Variants in UHRF1 observed in about 807,000 individuals in gnomAD.
UHRF1 encodes E3 ubiquitin-protein ligase UHRF1.
Under a neutral mutation model 96.5 loss-of-function variants are expected in UHRF1, and 9 were observed. The ratio of observed to expected loss-of-function variants is 0.09; its 90% CI spans 0.06 to 0.16. The LOEUF is 0.16. Ranked by LOEUF, UHRF1 falls within the 10% of genes least tolerant of loss-of-function variation. The pLI is 1.00. For synonymous variants in UHRF1, 455 were observed against 469.9 expected (o/e 0.97, Z 0.41); for missense variants, 626 against 1,131.1 (o/e 0.55, Z 6.40).
In UHRF1 at chr19:4,960,877, C is replaced by T; in HGVS notation, c.*74C>T. On this transcript the variant is annotated 3_prime_UTR_variant, in exon 17 of 17. Coordinates refer to ENST00000650932, the MANE Select transcript of UHRF1 (RefSeq NM_001048201.3). Reference sequence around the variant, plus strand: ...CTCGTTCATCGGCACTGATTTTGTTCTTAGTGGGCTTAACTTAAACAGGTA... The same window carrying T: ...CTCGTTCATCGGCACTGATTTTGTTTTTAGTGGGCTTAACTTAAACAGGTA... The T allele has an allele frequency of 1.3e-6, 1 of 789,526 alleles. No individual in the cohort carries two copies. The highest frequency in any genetic ancestry group is 2.0e-6 in the Non-Finnish European group (1 of 490,468). The allele number at this position is 789,526 out of a possible 1,614,324, so 48.9% of individuals were successfully genotyped here. A position where few individuals can be genotyped will look rare whatever the true frequency, so the allele number is the denominator to read the frequency against.
intron 5 of UHRF1, among the ~76,000 whole-genome samples, chr19:4,934,542 G>A (rs1273887513): frequency 6.6e-6 from 1 of 152,176 alleles, no homozygotes; most frequent in African/African-American, 2.4e-5. Context: ...CTAGGAATGG[G>A]ATCACACAGG....
chr19:4,956,083 C>T (rs1351241879), intron 15 of UHRF1, among the ~76,000 whole-genome samples: 1 of 152,044 alleles, frequency 6.6e-6, no homozygotes, highest in Non-Finnish European at 1.5e-5. Flanking sequence ...TACAGGCACC[C>T]ACCACGCCTG....
At chr19:4,908,256 A>C (rs563994331), upstream of UHRF1, among the ~76,000 whole-genome samples, 1 of 152,134 alleles carries the variant, frequency 6.6e-6, no homozygotes, top group Non-Finnish European at 1.5e-5. Flanking sequence ...CTAGAGACGC[A>C]TATCTTCGGG....
At chr19:4,939,941 G>C (rs558772225) in intron 5 of UHRF1, among the ~76,000 whole-genome samples, 1 of 151,204 alleles carries the variant, frequency 6.6e-6, no homozygotes, top group East Asian at 2.0e-4. Context: ...GGAGAGTGGC[G>C]TGAACCCGGG....
intron 5 of UHRF1, among the ~76,000 whole-genome samples, chr19:4,939,133 G>C (rs2033308561): frequency 6.6e-6 from 1 of 150,762 alleles, no homozygotes; most frequent in Non-Finnish European, 1.5e-5. Context: ...GGCCAGGCTG[G>C]TCTTGAACTC....
chr19:4,943,825 A>G (rs1218186419), intron 7 of UHRF1, among the ~76,000 whole-genome samples: 2 of 151,844 alleles, frequency 1.3e-5, no homozygotes, highest in African/African-American at 4.8e-5. Context: ...TAATTTTTGT[A>G]TTTTTAGTAG....
upstream of UHRF1, among the ~76,000 whole-genome samples, chr19:4,908,452 T>C (rs186956061): frequency 9.2e-5 from 14 of 152,174 alleles, no homozygotes; most frequent in East Asian, 2.5e-3. Context: ...ATATCACCCC[T>C]CTGACCTCAA....
intron 2 of UHRF1, among the ~76,000 whole-genome samples, chr19:4,919,421 G>A (rs1198775771): frequency 6.6e-6 from 1 of 151,732 alleles, no homozygotes; most frequent in Non-Finnish European, 1.5e-5. Flanking sequence ...TCCTGCCTCA[G>A]CCTCCCGAGT....
chr19:4,950,530 C>T (rs1310634991), intron 11 of UHRF1, 81 bp from the exon 12 acceptor site: 1 of 1,479,828 alleles, frequency 6.8e-7, no homozygotes, highest in Non-Finnish European at 9.1e-7. Flanking sequence ...AGGCCTGAGC[C>T]ACCACTCCCG....
At chr19:4,903,806 T>G (rs567882172) in intron 1 of UHRF1, among the ~76,000 whole-genome samples, 1 of 152,172 alleles carries the variant, frequency 6.6e-6, no homozygotes, top group South Asian at 2.1e-4. Flanking sequence ...CCCAGGTGCA[T>G]ACACACTCAT....
At chr19:4,918,971 C>T (rs2032613893) in intron 2 of UHRF1, among the ~76,000 whole-genome samples, 5 of 151,756 alleles carry the variant, frequency 3.3e-5, no homozygotes, top group Middle Eastern at 3.4e-3. Context: ...ATCCTTCTGC[C>T]TCAGCTTCCC....
chr19:4,916,676 C>T (rs890572201), intron 2 of UHRF1, among the ~76,000 whole-genome samples: 54 of 152,230 alleles, frequency 3.5e-4, no homozygotes, highest in African/African-American at 1.0e-3. Flanking sequence ...CTGTCTCCTC[C>T]GTGTCTAGGA....
In UHRF1 at chr19:4,929,462, T is replaced by G; in HGVS notation, c.394T>G (p.Leu132Val). 1.2e-6 allele frequency: 2 copies of G among 1,613,112 alleles called. No individual in the cohort carries two copies. Among genetic ancestry groups the G allele is most frequent in the Non-Finnish European group, 1.7e-6 (2 of 1,179,594 alleles). Reference sequence around the variant, plus strand: ...TGAGGACATGTGGGATGAGACGGAATTGGGGCTGTACAAGGTGAGCCTCCC... The same window carrying G: ...TGAGGACATGTGGGATGAGACGGAAGTGGGGCTGTACAAGGTGAGCCTCCC... ...ADEDMWDETELGLYKVNEYVD... is the reference protein window; with the variant it reads ...ADEDMWDETEVGLYKVNEYVD... The change falls in exon 3 of 17, where the codon TTG (leucine) becomes GTG (valine). Residue 132 changes from leucine to valine, a missense_variant. Leu to Val is a conservative substitution (Grantham distance 32). Transcript: ENST00000650932.
intron 11 of UHRF1, 142 bp from the exon 12 acceptor site, chr19:4,950,466 ACTC>A: frequency 1.2e-6 from 1 of 824,986 alleles, no homozygotes; most frequent in Non-Finnish European, 1.8e-6. Context: ...CTGGTCTCGA[ACTC>A]CTGACTTCAG....
At chr19:4,911,676 G>A (rs1200189575) in intron 2 of UHRF1, among the ~76,000 whole-genome samples, 2 of 152,144 alleles carry the variant, frequency 1.3e-5, no homozygotes, top group African/African-American at 4.8e-5. Context: ...CATTTAAAAT[G>A]TCCCCCTTTG....
rs1487937824 is a variant in UHRF1, at chr19:4,956,781, A to G, written c.2203A>G (p.Ile735Val). 4 of 1,610,808 alleles carry G rather than the reference A, an allele frequency of 2.5e-6. No homozygotes were observed. The highest frequency in any genetic ancestry group is 1.3e-5 in the African/African-American group (1 of 75,024). ...ICCQELVFRP[I>V]TTVCQHNVCK... ...CTGTCAGGAGCTGGTGTTCCGGCCC[A>G]TCACGACCGTGTGCCAGCACAACGT... The change falls in exon 16 of 17, where the codon ATC (isoleucine) becomes GTC (valine). Residue 735 changes from isoleucine (I) to valine (V), a missense_variant. This residue lies in a region of UHRF1 where 84 missense variants were observed against 150.3 expected (regional missense o/e 0.56). Transcript: ENST00000650932.
At chr19:4,914,834 G>A (rs577875573) in intron 2 of UHRF1, among the ~76,000 whole-genome samples, 6 of 152,236 alleles carry the variant, frequency 3.9e-5, no homozygotes, top group African/African-American at 7.2e-5. Context: ...ACGCTGCAGC[G>A]CAGTGCGAAT....
Position 4,940,287 on chromosome 19 carries a change from C to T in UHRF1, c.786-1241C>T, listed in dbSNP as rs569339832. On this transcript the variant is annotated intron_variant, in intron 5 of 16. Coordinates refer to ENST00000650932, the MANE Select transcript of UHRF1 (RefSeq NM_001048201.3). ...GATGGGGATGTCGGATTATTGATCT[C>T]GGGGGATCAGTTTCACTCACAGGAG... Among the ~76,000 whole-genome samples, 38 of 149,266 alleles carry T rather than the reference C, an allele frequency of 2.5e-4. 1 individual carries two copies. In the South Asian group the frequency reaches 4.5e-3, roughly 18 times the overall value.
Position 4,941,580 on chromosome 19 carries a change from A to T in UHRF1, c.838A>T (p.Ile280Phe). Residue 280 changes from isoleucine (I) to phenylalanine (F), a missense_variant, in exon 6 of 17, where the codon ATT becomes TTT. This residue lies in a region of UHRF1 where 198 missense variants were observed against 235.1 expected (regional missense o/e 0.84). Coordinates refer to ENST00000650932, the MANE Select transcript of UHRF1 (RefSeq NM_001048201.3). ...CATCTTCGTGGACGAAGTCTTCAAG[A>T]TTGAGCGGCCGGGTGAAGGGAGCCC... ...RIIFVDEVFK[I>F]ERPGEGSPMV... 1.2e-6 allele frequency: 2 copies of T among 1,613,790 alleles called. No homozygotes were observed. The highest frequency in any genetic ancestry group is 1.7e-6 in the Non-Finnish European group (2 of 1,179,808).
Sources: gnomAD v4.1 joint callset for allele counts (sites outside exome capture counted in the v4.1 genomes callset) on GRCh38, gnomAD v4.1.1 for gene constraint, gnomAD v4.1.1 regional missense constraint, MANE v1.5 for transcripts, NCBI Gene and HGNC (gene_info 2026-07-23, HGNC 2026-07-21) for gene names.